IGSF5: variants seen among roughly 807,000 people sequenced by gnomAD.
IGSF5 encodes immunoglobulin superfamily 5 like.
In IGSF5, 41 loss-of-function variants were observed where a neutral mutation model predicts 39.4. The observed-to-expected ratio is 1.04, with a 90% CI of 0.81 to 1.35. IGSF5 has a LOEUF of 1.35. Among genes scored for constraint, IGSF5 ranks in the 40% most tolerant of loss-of-function variants. IGSF5 has a pLI of 0.00. For synonymous variants in IGSF5, 183 were observed against 175.3 expected, an observed-to-expected ratio of 1.04 and a Z score of -0.34; for missense variants, 487 against 494.6, an observed-to-expected ratio of 0.98 and a Z score of 0.15.
intron 2 of IGSF5, among the ~76,000 whole-genome samples, chr21:39,764,583 G>A (rs548524662): frequency 1.1e-4 from 17 of 152,270 alleles, no homozygotes; most frequent in South Asian, 2.1e-4. Flanking sequence ...CAGGTGATCC[G>A]CCCTCTTCGG....
chr21:39,736,408 A>T, the IGSF5 span, among the ~76,000 whole-genome samples: 1 of 152,096 alleles, frequency 6.6e-6, no homozygotes, highest in African/African-American at 2.4e-5. Context: ...TAAACTTTGA[A>T]ATAATGCAAA....
chr21:39,745,920 T>C (rs1337034314), intron 1 of IGSF5, among the ~76,000 whole-genome samples: 1 of 147,368 alleles, frequency 6.8e-6, no homozygotes, highest in Non-Finnish European at 1.5e-5. Context: ...TTACGGGGGG[T>C]GGGGGGTCCT....
At chr21:39,770,875 A>G (rs1355239519) in intron 3 of IGSF5, 41 bp from the exon 4 acceptor site, 3 of 1,292,406 alleles carry the variant, frequency 2.3e-6, no homozygotes, top group Admixed American at 5.8e-5. Flanking sequence ...AGCGAGAGGC[A>G]TGGTCATGTC....
chr21:39,742,573 C>G (rs977215978), upstream of IGSF5, among the ~76,000 whole-genome samples: 16 of 152,194 alleles, frequency 1.1e-4, no homozygotes, highest in African/African-American at 3.6e-4. Flanking sequence ...GACCTTCATC[C>G]CCTGGGGCAG....
upstream of IGSF5, among the ~76,000 whole-genome samples, chr21:39,743,370 A>G (rs968126880): frequency 6.6e-6 from 1 of 152,184 alleles, no homozygotes; most frequent in African/African-American, 2.4e-5. Context: ...AGATCAAAGG[A>G]TTGTCCTAAC....
At chr21:39,770,431 A>G (rs920721421) in intron 3 of IGSF5, among the ~76,000 whole-genome samples, 1 of 152,174 alleles carries the variant, frequency 6.6e-6, no homozygotes, top group Non-Finnish European at 1.5e-5. Flanking sequence ...CTAGAAATAA[A>G]TAAAAATGTA....
the IGSF5 span, among the ~76,000 whole-genome samples, chr21:39,725,372 C>G: frequency 6.6e-6 from 1 of 152,118 alleles, no homozygotes; most frequent in Non-Finnish European, 1.5e-5. Context: ...TAAATGAAAC[C>G]GAGATATTTT....
intron 8 of IGSF5, among the ~76,000 whole-genome samples, chr21:39,795,548 G>A (rs749388433): frequency 1.3e-5 from 2 of 151,288 alleles, no homozygotes; most frequent in Non-Finnish European, 2.9e-5. Context: ...AATACATCTA[G>A]TATGAATGAG....
chr21:39,792,157 C>T, intron 7 of IGSF5, 58 bp downstream of exon 7: 1 of 1,208,654 alleles, frequency 8.3e-7, no homozygotes. Flanking sequence ...GGAAGAAGGG[C>T]TGGCTTGCTA....
chr21:39,792,535 A>G (rs2086971488), intron 7 of IGSF5, among the ~76,000 whole-genome samples: 1 of 125,166 alleles, frequency 8.0e-6, no homozygotes, highest in Non-Finnish European at 2.0e-5. Flanking sequence ...TAATAAAAAA[A>G]ATTGTTTTTT....
chr21:39,771,094 A>G lies in IGSF5; in HGVS notation c.597A>G (p.Ala199=). 6.8e-6 allele frequency: 11 copies of G among 1,613,752 alleles called. No individual in the cohort carries two copies. Among genetic ancestry groups the G allele is most frequent in the Non-Finnish European group, 9.3e-6 (11 of 1,179,850 alleles). ...FVPEPSDLQS[A]VSILALTPQS... Reference sequence around the variant, plus strand: ...CGGAGCCCAGCGACCTTCAAAGTGCAGTGAGCATCCTGGCTCTGACCCCAC... The same window carrying G: ...CGGAGCCCAGCGACCTTCAAAGTGCGGTGAGCATCCTGGCTCTGACCCCAC... The change falls in exon 4 of 9, where the codon GCA becomes GCG. Residue 199 remains alanine (A), a synonymous_variant. Transcript: ENST00000380588.
In IGSF5 at chr21:39,777,368, C is replaced by T. The variant is rs146809839; in HGVS notation, c.719-1722C>T. Among the ~76,000 whole-genome samples the T allele has an allele frequency of 5.4e-3, 825 of 152,282 alleles. 6 individuals carry two copies. Among genetic ancestry groups the T allele is most frequent in the Non-Finnish European group, 9.4e-3 (641 of 68,020 alleles). ...CATCAGAATCACTTGGGGTATCATTCGGGATATCCTGACTCTGTGATCCTG... is the reference window on the plus strand; with the variant it reads ...CATCAGAATCACTTGGGGTATCATTTGGGATATCCTGACTCTGTGATCCTG... On this transcript the variant is annotated intron_variant, in intron 4 of 8. Coordinates refer to ENST00000380588, the MANE Select transcript of IGSF5 (RefSeq NM_001080444.2).
chr21:39,758,562 T>G (rs907844738), intron 2 of IGSF5, among the ~76,000 whole-genome samples: 1 of 152,206 alleles, frequency 6.6e-6, no homozygotes, highest in Non-Finnish European at 1.5e-5. Flanking sequence ...TTCCATTTAC[T>G]GACAGGGTAA....
the IGSF5 span, among the ~76,000 whole-genome samples, chr21:39,725,505 G>A: frequency 6.6e-6 from 1 of 152,146 alleles, no homozygotes; most frequent in Non-Finnish European, 1.5e-5. Flanking sequence ...TAAAACAAAA[G>A]GGCTACGGAC....
rs748072329 is a variant in IGSF5 at position 39,765,853 on chromosome 21, G to T, written c.418+1G>T. The T allele has an allele frequency of 6.8e-6, 11 of 1,608,660 alleles. No individual in the cohort carries two copies. The highest frequency in any genetic ancestry group is 1.7e-4 in the Middle Eastern group (1 of 6,050). The stretch of plus-strand genomic sequence containing the variant: ...GGATCTGCTTACCTTACCGTCCAAG[G>T]TGTGTATGCAGGTGGCTTCTGAAGT... On this transcript the variant is annotated splice_donor_variant, in intron 3 of 8. Transcript: ENST00000380588. LOFTEE classifies it high-confidence loss of function.
chr21:39,737,752 G>A, the IGSF5 span, among the ~76,000 whole-genome samples: 1 of 152,192 alleles, frequency 6.6e-6, no homozygotes, highest in African/African-American at 2.4e-5. Context: ...GTGGACAGGT[G>A]TGTTGAAATG....
chr21:39,743,099 T>C (rs1362414251), upstream of IGSF5, among the ~76,000 whole-genome samples: 1 of 152,200 alleles, frequency 6.6e-6, no homozygotes, highest in Non-Finnish European at 1.5e-5. Flanking sequence ...TCTTCCTAGT[T>C]TTCCTTAGTC....
chr21:39,764,567 TG>T (rs1459761347), intron 2 of IGSF5, among the ~76,000 whole-genome samples: 1 of 152,212 alleles, frequency 6.6e-6, no homozygotes, highest in Non-Finnish European at 1.5e-5. Context: ...CTTGAACTCT[TG>T]ACTTCAGGTG....
the IGSF5 span, among the ~76,000 whole-genome samples, chr21:39,738,891 C>CT: frequency 3.3e-3 from 496 of 150,748 alleles, 3 homozygotes; most frequent in African/African-American, 0.011. The surrounding 1 kb of genome is among the most constrained non-coding windows in gnomAD (Gnocchi z 6.4). Context: ...AGGGCAGAAG[C>CT]TTTTTTTTTG....
Sources: gnomAD v4.1 joint callset for allele counts (sites outside exome capture counted in the v4.1 genomes callset) on GRCh38, gnomAD v4.1.1 for gene constraint, Gnocchi (gnomAD v3.1) non-coding constraint, MANE v1.5 for transcripts, NCBI Gene and HGNC (gene_info 2026-07-23, HGNC 2026-07-21) for gene names.